Variants in FAM81A observed in about 807,000 individuals in gnomAD.
The protein encoded by FAM81A is family with sequence similarity 81 member A, also known as protein FAM81A.
In FAM81A, 19 loss-of-function variants were observed where a neutral mutation model predicts 46.7. That is an observed-to-expected ratio of 0.41 (90% CI 0.28 to 0.60). The LOEUF is 0.60. Ranked by LOEUF, FAM81A falls within the 20% of genes least tolerant of loss-of-function variation. The pLI, the probability that FAM81A is intolerant of heterozygous loss-of-function variation, is 0.34. For missense variants in FAM81A, 377 were observed against 453.5 expected (o/e 0.83, Z 1.53); for synonymous variants, 183 against 152.9 (o/e 1.20, Z -1.45).
In FAM81A at chr15:59,497,843, CAAAT is replaced by C. The variant is rs1336888162; in HGVS notation, c.413+5457_413+5460del. On this transcript the variant is annotated intron_variant, in intron 4 of 8. Transcript: ENST00000288228. ...AAGACCCTGTTTCAAAAAAAATAAA[CAAAT>C]AAGCCTTTATTTAAAAAAAATTTTT... is the stretch of plus-strand genomic sequence containing the variant. 3.3e-5 allele frequency among the ~76,000 whole-genome samples: 5 copies of C among 151,878 alleles called. No individual in the cohort carries two copies. The South Asian group carries it at 6.3e-4, about 19-fold the overall frequency.
At chr15:59,440,832 C>G (rs917192980) in intron 1 of FAM81A, among the ~76,000 whole-genome samples, 2 of 152,118 alleles carry the variant, frequency 1.3e-5, no homozygotes, top group Admixed American at 6.6e-5. Context: ...TCCCAGAATC[C>G]TTTGTTTCAA....
At chr15:59,479,538 AAAAAG>A (rs1567061845) in intron 3 of FAM81A, among the ~76,000 whole-genome samples, 1 of 150,814 alleles carries the variant, frequency 6.6e-6, no homozygotes, top group African/African-American at 2.4e-5. Flanking sequence ...AAAAAAAAAA[AAAAAG>A]GATGGTAAGG....
chr15:59,401,513 A>G (rs2081070339), intron 1 of FAM81A: 1 of 747,770 alleles, frequency 1.3e-6, no homozygotes, highest in Non-Finnish European at 2.4e-6. Context: ...CTTAGGTGGT[A>G]TTCTTGTAAA....
intron 1 of FAM81A, among the ~76,000 whole-genome samples, chr15:59,439,321 T>G (rs907502252): frequency 6.6e-6 from 1 of 151,538 alleles, no homozygotes. Context: ...TATTCTTTAT[T>G]GAGAACCATC....
chr15:59,434,209 A>G (rs763623511), upstream of FAM81A, among the ~76,000 whole-genome samples: 11 of 152,234 alleles, frequency 7.2e-5, no homozygotes, highest in Non-Finnish European at 1.0e-4. Context: ...AAGGAATGGT[A>G]GAATTTAGAT....
At chr15:59,521,226 CTG>C in intron 8 of FAM81A, 26 bp from the exon 9 acceptor site, 1 of 1,589,702 alleles carries the variant, frequency 6.3e-7, no homozygotes, top group South Asian at 1.1e-5. Flanking sequence ...AAATTGTTAA[CTG>C]TTGTGAAATT....
At chr15:59,424,690 TG>T (rs2081187979) in intron 2 of FAM81A, among the ~76,000 whole-genome samples, 1 of 152,252 alleles carries the variant, frequency 6.6e-6, no homozygotes, top group Admixed American at 6.5e-5. Context: ...AAAAAATTCT[TG>T]ATTTCTCTTT....
intron 2 of FAM81A, among the ~76,000 whole-genome samples, chr15:59,414,632 G>C (rs927428120): frequency 6.6e-6 from 1 of 152,132 alleles, no homozygotes; most frequent in African/African-American, 2.4e-5. Context: ...CTGAGGAGGG[G>C]ACTGGTGACA....
intron 2 of FAM81A, among the ~76,000 whole-genome samples, chr15:59,423,204 TCTC>T (rs1333752454): frequency 6.6e-6 from 1 of 152,044 alleles, no homozygotes; most frequent in Non-Finnish European, 1.5e-5. Context: ...TTCACGCCAT[TCTC>T]CTGCCTCAGC....
At chr15:59,441,493 C>T (rs1174525088) in intron 1 of FAM81A, among the ~76,000 whole-genome samples, 2 of 152,226 alleles carry the variant, frequency 1.3e-5, no homozygotes, top group Non-Finnish European at 2.9e-5. Flanking sequence ...CAATGGCTAT[C>T]GTATGGGGTA....
At chr15:59,476,497 C>T (rs1240209272) in intron 3 of FAM81A, among the ~76,000 whole-genome samples, 1 of 152,176 alleles carries the variant, frequency 6.6e-6, no homozygotes, top group Non-Finnish European at 1.5e-5. Flanking sequence ...TAAAAATTGG[C>T]ACCAGGCACG....
intron 1 of FAM81A, among the ~76,000 whole-genome samples, chr15:59,448,862 G>A (rs1177852641): frequency 6.6e-6 from 1 of 152,048 alleles, no homozygotes. Context: ...CGGGGGCATT[G>A]CTATGTTGCA....
chr15:59,440,660 A>G (rs1221880324), intron 1 of FAM81A, among the ~76,000 whole-genome samples: 2 of 152,204 alleles, frequency 1.3e-5, no homozygotes, highest in Non-Finnish European at 2.9e-5. Flanking sequence ...CTCGGACTTC[A>G]GCCTACTTAG....
intron 2 of FAM81A, among the ~76,000 whole-genome samples, chr15:59,412,068 G>A (rs1596460630): frequency 6.6e-6 from 1 of 152,136 alleles, no homozygotes; most frequent in Admixed American, 6.6e-5. Context: ...AGTGAGGTGG[G>A]AGGGGCAGAG....
intron 4 of FAM81A, among the ~76,000 whole-genome samples, chr15:59,502,309 T>A (rs1459664536): frequency 2.0e-5 from 3 of 151,934 alleles, no homozygotes; most frequent in Non-Finnish European, 2.9e-5. Context: ...ATTAGGTATA[T>A]CTCCTAAAGC....
chr15:59,441,347 C>T (rs1336485478), intron 1 of FAM81A, among the ~76,000 whole-genome samples: 3 of 152,254 alleles, frequency 2.0e-5, no homozygotes, highest in African/African-American at 7.2e-5. Flanking sequence ...TATATCTGCA[C>T]TGTTCCGTAT....
intron 3 of FAM81A, among the ~76,000 whole-genome samples, chr15:59,471,529 C>T (rs1701752477): frequency 6.6e-6 from 1 of 151,740 alleles, no homozygotes; most frequent in African/African-American, 2.4e-5. Context: ...GTGGTGCAAT[C>T]ATAACTCACT....
At chr15:59,413,327 G>T (rs1251920535) in intron 2 of FAM81A, among the ~76,000 whole-genome samples, 1 of 151,934 alleles carries the variant, frequency 6.6e-6, no homozygotes, top group East Asian at 1.9e-4. Context: ...CCCAGTCAGG[G>T]AGGTGGTTGA....
At position 59,523,454 on chromosome 15, in the gene FAM81A, G is replaced by T. The variant is rs2082347156; in HGVS notation, c.*2076G>T. On this transcript the variant is annotated 3_prime_UTR_variant, in exon 9 of 9. Coordinates refer to ENST00000288228, the MANE Select transcript of FAM81A (RefSeq NM_152450.3). ...CGAGGTGGTGAGCTGTCGAGCCACA[G>T]TGCAGTTCTCTTCTCACCAAAGCTC... is the stretch of plus-strand genomic sequence containing the variant. 1 of 152,226 alleles carries T rather than the reference G, an allele frequency of 6.6e-6. No homozygotes were observed. The allele number at this position is 152,226 out of a possible 1,614,324, so 9.4% of individuals were successfully genotyped here. A position where few individuals can be genotyped will look rare whatever the true frequency, so the allele number is the denominator to read the frequency against.
Sources: allele counts gnomAD v4.1 joint callset (sites outside exome capture counted in the v4.1 genomes callset), GRCh38; gene constraint gnomAD v4.1.1; transcripts MANE v1.5; gene names NCBI Gene and HGNC (gene_info 2026-07-23, HGNC 2026-07-21).